Variants in UNC5C observed in about 807,000 individuals in gnomAD.
UNC5C encodes the protein netrin receptor UNC5C.
UNC5C carries 47 observed loss-of-function variants against 99.8 expected under a neutral mutation model. The ratio of observed to expected loss-of-function variants is 0.47; its 90% CI spans 0.37 to 0.60. The LOEUF is 0.60. UNC5C is among the 20% of genes least tolerant of loss of function. UNC5C has a pLI of 0.00. For synonymous variants in UNC5C, 487 were observed against 452.2 expected (o/e 1.08, Z -0.98); for missense variants, 1,062 against 1,165.9 (o/e 0.91, Z 1.30).
intron 15 of UNC5C, 42 bp from the exon 16 acceptor site, chr4:95,169,441 A>G: frequency 6.3e-7 from 1 of 1,599,314 alleles, no homozygotes; most frequent in Non-Finnish European, 8.6e-7. Flanking sequence ...AGTGTGACTT[A>G]CATATCTATT....
chr4:95,455,799 A>C (rs1747409561), intron 1 of UNC5C, among the ~76,000 whole-genome samples: 1 of 152,034 alleles, frequency 6.6e-6, no homozygotes, highest in Non-Finnish European at 1.5e-5. Context: ...AGTTATTAAT[A>C]ACTTGACGTT....
In UNC5C at chr4:95,167,268, T is replaced by C. The variant is rs1735893268; in HGVS notation, c.*1966A>G. ...ATGTCTGCTTGTTCTTCAGTTTTGG[T>C]TTTGCTACTGGGCTTTGATTCTTTA... On this transcript the variant is annotated 3_prime_UTR_variant, in exon 16 of 16. Transcript: ENST00000453304. 6.6e-6 allele frequency: 1 copy of C among 152,234 alleles called. No individual in the cohort carries two copies. Among genetic ancestry groups the C allele is most frequent in the Non-Finnish European group, 1.5e-5 (1 of 68,058 alleles). 9.4% of individuals were successfully genotyped at this position (152,234 alleles called of 1,614,324 possible).
intron 2 of UNC5C, among the ~76,000 whole-genome samples, chr4:95,334,358 G>A (rs1486637013): frequency 1.3e-5 from 2 of 151,956 alleles, no homozygotes; most frequent in Non-Finnish European, 2.9e-5. Flanking sequence ...TTTTGGTTCA[G>A]AGAGATATCT....
intron 1 of UNC5C, among the ~76,000 whole-genome samples, chr4:95,507,818 G>T (rs1294644651): frequency 6.6e-6 from 1 of 151,994 alleles, no homozygotes; most frequent in African/African-American, 2.4e-5. Flanking sequence ...CCTCAGTTTT[G>T]TCAGTGGTAT....
In UNC5C at chr4:95,314,409, T is replaced by C. The variant is rs1483736; in HGVS notation, c.347-12660A>G. Among the ~76,000 whole-genome samples, 130 of 152,306 alleles carry C rather than the reference T, an allele frequency of 8.5e-4. No individual in the cohort carries two copies. The South Asian group carries it at 8.7e-3, about 10-fold the overall frequency. ...ACCCCACCATCCTGAAGTGTAGATA[T>C]AGCGGAGCTATCCTGACATGAAGAA... On this transcript the variant is annotated intron_variant, in intron 2 of 15. Coordinates refer to ENST00000453304, the MANE Select transcript of UNC5C (RefSeq NM_003728.4).
Position 95,365,953 on chromosome 4 carries a change from T to A in UNC5C, c.125-30322A>T, listed in dbSNP as rs963068474. ...AATTTTCTGAGAAGTTTTTTTTTTTTAAATCAAAATTATAAGCTGTAATAT... is the reference window on the plus strand; with the variant it reads ...AATTTTCTGAGAAGTTTTTTTTTTTAAAATCAAAATTATAAGCTGTAATAT... On this transcript the variant is annotated intron_variant, in intron 1 of 15. Coordinates refer to ENST00000453304, the MANE Select transcript of UNC5C (RefSeq NM_003728.4). Among the ~76,000 whole-genome samples the A allele has an allele frequency of 2.0e-5, 3 of 151,886 alleles. No individual in the cohort carries two copies. The South Asian group carries it at 6.2e-4, about 32-fold the overall frequency.
At chr4:95,254,845 C>G (rs1329661270) in intron 4 of UNC5C, among the ~76,000 whole-genome samples, 1 of 152,032 alleles carries the variant, frequency 6.6e-6, no homozygotes, top group Non-Finnish European at 1.5e-5. Context: ...TTGAATTTAC[C>G]AATTTGTTTC....
chr4:95,497,328 C>A (rs1173670934), intron 1 of UNC5C, among the ~76,000 whole-genome samples: 1 of 151,930 alleles, frequency 6.6e-6, no homozygotes, highest in Non-Finnish European at 1.5e-5. Flanking sequence ...ACAGCTTGCA[C>A]TTACTTTAAA....
Position 95,271,867 on chromosome 4 carries a change from A to T in UNC5C, c.594+6392T>A, listed in dbSNP as rs187365694. On this transcript the variant is annotated intron_variant, in intron 4 of 15. Coordinates refer to ENST00000453304, the MANE Select transcript of UNC5C (RefSeq NM_003728.4). ...CCCTCGTTCCCTCTTTCCTGACTGAATGTCGTCCTGCCTTCCTCCTTGCTC... is the reference window on the plus strand; with the variant it reads ...CCCTCGTTCCCTCTTTCCTGACTGATTGTCGTCCTGCCTTCCTCCTTGCTC... Among the ~76,000 whole-genome samples, 10 of 152,270 alleles carry T rather than the reference A, an allele frequency of 6.6e-5. No individual in the cohort carries two copies. The East Asian group carries it at 1.9e-3, about 29-fold the overall frequency.
chr4:95,494,057 T>C (rs1721572464), intron 1 of UNC5C, among the ~76,000 whole-genome samples: 1 of 151,464 alleles, frequency 6.6e-6, no homozygotes, highest in Non-Finnish European at 1.5e-5. Context: ...GAATCAGTTA[T>C]TTCGGCTCAC....
Position 95,400,384 on chromosome 4 carries a change from C to CTTTTTTTTTTTTT in UNC5C, c.125-64766_125-64754dup, listed in dbSNP as rs1171870515. 1.7e-4 allele frequency among the ~76,000 whole-genome samples: 11 copies of CTTTTTTTTTTTTT among 65,792 alleles called. 1 individual carries two copies. The highest frequency in any genetic ancestry group is 3.6e-4 in the African/African-American group (6 of 16,792). 43.2% of individuals were successfully genotyped at this position (65,792 alleles called of 152,430 possible). ...TTCCACAGCCACAGTGAGATGAATT[C>CTTTTTTTTTTTTT]TTTTTTTTTTTTTTTTTTTTTTTTT... On this transcript the variant is annotated intron_variant, in intron 1 of 15. Transcript: ENST00000453304.
intron 1 of UNC5C, among the ~76,000 whole-genome samples, chr4:95,393,452 T>C (rs111901721): frequency 0.012 from 1,817 of 152,318 alleles, 38 homozygotes; most frequent in African/African-American, 0.04. Flanking sequence ...ACACATACTA[T>C]GTGTGATAAG....
intron 1 of UNC5C, among the ~76,000 whole-genome samples, chr4:95,523,083 G>T (rs908802998): frequency 6.6e-6 from 1 of 152,214 alleles, no homozygotes; most frequent in East Asian, 1.9e-4. Flanking sequence ...CCACAGGAAA[G>T]GGGGAGAGTG....
At chr4:95,392,217 C>T (rs17023728) in intron 1 of UNC5C, among the ~76,000 whole-genome samples, 80,343 of 151,750 alleles carry the variant, frequency 0.53, 21,450 homozygotes, top group East Asian at 0.71. Context: ...ACTCCCTTCA[C>T]TCCCTAGAAA....
At chr4:95,434,261 G>A (rs1746712699) in intron 1 of UNC5C, among the ~76,000 whole-genome samples, 1 of 151,954 alleles carries the variant, frequency 6.6e-6, no homozygotes, top group African/African-American at 2.4e-5. Flanking sequence ...CTACAATAAT[G>A]CATCACATTA....
chr4:95,285,403 G>C (rs1197028948), intron 3 of UNC5C, among the ~76,000 whole-genome samples: 4 of 151,968 alleles, frequency 2.6e-5, no homozygotes, highest in Non-Finnish European at 1.5e-5. Flanking sequence ...GACTTCATCA[G>C]GTTTTGTGAA....
At chr4:95,280,633 G>A (rs1480157100) in intron 3 of UNC5C, among the ~76,000 whole-genome samples, 2 of 151,660 alleles carry the variant, frequency 1.3e-5, no homozygotes, top group African/African-American at 2.4e-5. Context: ...AGGTTGCAGC[G>A]AGCCAAGATT....
At chr4:95,436,315 A>C (rs1746791367) in intron 1 of UNC5C, among the ~76,000 whole-genome samples, 1 of 151,982 alleles carries the variant, frequency 6.6e-6, no homozygotes, top group Admixed American at 6.6e-5. Flanking sequence ...ATATTTTCAA[A>C]AAACTGCAAG....
At chr4:95,307,832 A>G (rs993976882) in intron 2 of UNC5C, among the ~76,000 whole-genome samples, 2 of 152,234 alleles carry the variant, frequency 1.3e-5, no homozygotes, top group African/African-American at 4.8e-5. Context: ...AAATCGATCA[A>G]TGTAATACAT....
Sources: allele counts gnomAD v4.1 joint callset (sites outside exome capture counted in the v4.1 genomes callset), GRCh38; gene constraint gnomAD v4.1.1; transcripts MANE v1.5; gene names NCBI Gene and HGNC (gene_info 2026-07-23, HGNC 2026-07-21).